Variants in SLCO5A1 observed in about 807,000 individuals in gnomAD.
SLCO5A1 encodes solute carrier organic anion transporter family member 5A1, also known as organic anion transporter polypeptide-related protein 4.
SLCO5A1 carries 39 observed loss-of-function variants against 65.1 expected under a neutral mutation model. That is an observed-to-expected ratio of 0.60 (90% CI 0.46 to 0.78). SLCO5A1 has a LOEUF of 0.78. SLCO5A1 is among the 30% of genes least tolerant of loss of function. The probability of loss-of-function intolerance (pLI) is 0.00; values close to 1 mark genes in which losing one functional copy is unlikely to be tolerated. For missense variants in SLCO5A1, 1,029 were observed against 1,069.4 expected (o/e 0.96, Z 0.53); for synonymous variants, 438 against 415.7 (o/e 1.05, Z -0.65).
intron 2 of SLCO5A1, among the ~76,000 whole-genome samples, chr8:69,769,151 C>T (rs1818205941): frequency 6.6e-6 from 1 of 152,220 alleles, no homozygotes; most frequent in African/African-American, 2.4e-5. Flanking sequence ...ACTCCCCATC[C>T]TTGAGAGCCC....
At chr8:69,692,074 C>T (rs1225191157) in intron 6 of SLCO5A1, among the ~76,000 whole-genome samples, 2 of 152,146 alleles carry the variant, frequency 1.3e-5, no homozygotes, top group African/African-American at 2.4e-5. Flanking sequence ...CAGTGAAACC[C>T]TGTCTCTGCT....
At chr8:69,801,948 C>T (rs903062869) in intron 2 of SLCO5A1, among the ~76,000 whole-genome samples, 1 of 152,172 alleles carries the variant, frequency 6.6e-6, no homozygotes, top group Non-Finnish European at 1.5e-5. Flanking sequence ...CACCTCATGT[C>T]GCCTCAAGCT....
intron 6 of SLCO5A1, among the ~76,000 whole-genome samples, chr8:69,696,836 C>G (rs1250853392): frequency 6.6e-6 from 1 of 151,982 alleles, no homozygotes; most frequent in Non-Finnish European, 1.5e-5. Flanking sequence ...AGACATTACT[C>G]CATAAAACAA....
At chr8:69,682,462 C>T (rs1452592325) in intron 6 of SLCO5A1, 119 bp from the exon 7 acceptor site, 3 of 965,000 alleles carry the variant, frequency 3.1e-6, no homozygotes, top group African/African-American at 1.7e-5. Context: ...TGAATCAAAG[C>T]CATGATACCC....
chr8:69,762,176 TTCTTTCTTTCTTTC>T (rs1235184256), intron 2 of SLCO5A1, among the ~76,000 whole-genome samples: 22 of 101,994 alleles, frequency 2.2e-4, no homozygotes, highest in African/African-American at 7.3e-4. Flanking sequence ...CTTTCTTTCT[TTCTTTCTTTCTTTC>T]TTTCTTTCTT....
chr8:69,683,573 T>C (rs1018116283), intron 6 of SLCO5A1, among the ~76,000 whole-genome samples: 6 of 151,958 alleles, frequency 3.9e-5, no homozygotes, highest in African/African-American at 1.5e-4. Context: ...TTATCTTTTT[T>C]TTTTTTTGAG....
At chr8:69,726,888 C>T (rs1816105976) in intron 5 of SLCO5A1, among the ~76,000 whole-genome samples, 3 of 152,184 alleles carry the variant, frequency 2.0e-5, no homozygotes, top group Non-Finnish European at 4.4e-5. Flanking sequence ...TTCCACATGT[C>T]ATAAGTCCTG....
intron 5 of SLCO5A1, among the ~76,000 whole-genome samples, chr8:69,706,304 A>T (rs1233564166): frequency 1.3e-5 from 2 of 152,202 alleles, no homozygotes; most frequent in Non-Finnish European, 2.9e-5. Context: ...TAATTAACAT[A>T]AAAGCCAAGA....
intron 2 of SLCO5A1, among the ~76,000 whole-genome samples, chr8:69,782,163 C>G (rs1182831700): frequency 6.6e-6 from 1 of 152,032 alleles, no homozygotes; most frequent in Non-Finnish European, 1.5e-5. Flanking sequence ...AGCAAACCAC[C>G]ATGGCACATG....
At chr8:69,738,240 A>G (rs1241495553) in intron 4 of SLCO5A1, 36 bp from the exon 5 acceptor site, 3 of 1,547,316 alleles carry the variant, frequency 1.9e-6, no homozygotes, top group Admixed American at 1.9e-5. Context: ...GAATGTTATA[A>G]ACAATGGATG....
At position 69,667,969 on chromosome 8, in the gene SLCO5A1, G is replaced by A. The variant is rs1372729045; in HGVS notation, c.*4900C>T. On this transcript the variant is annotated 3_prime_UTR_variant, in exon 10 of 10. Transcript: ENST00000260126. ...AACACAAAGTACATGCAGCCACTTA[G>A]CAGTGAAATACTGTGAATTCAGTGG... 1 of 152,230 alleles carries A rather than the reference G, an allele frequency of 6.6e-6. No homozygotes were observed. Among genetic ancestry groups the A allele is most frequent in the Non-Finnish European group, 1.5e-5 (1 of 68,034 alleles). The allele number at this position is 152,230 out of a possible 1,614,324, so 9.4% of individuals were successfully genotyped here.
intron 5 of SLCO5A1, among the ~76,000 whole-genome samples, chr8:69,734,726 G>A (rs530890506): frequency 1.3e-5 from 2 of 152,252 alleles, no homozygotes; most frequent in African/African-American, 4.8e-5. Flanking sequence ...GTCAGGGTAT[G>A]TATCTAAATA....
intron 6 of SLCO5A1, among the ~76,000 whole-genome samples, chr8:69,701,195 C>T (rs1814721232): frequency 1.3e-5 from 2 of 151,952 alleles, no homozygotes; most frequent in South Asian, 4.2e-4. Context: ...GATGCAGATT[C>T]AAAGAAAGCA....
At chr8:69,732,075 C>CATATA (rs555988563) in intron 5 of SLCO5A1, among the ~76,000 whole-genome samples, 22 of 152,214 alleles carry the variant, frequency 1.4e-4, no homozygotes, top group Non-Finnish European at 2.6e-4. Context: ...AAAGCCCATT[C>CATATA]ATATATCTCT....
At chr8:69,730,141 G>A (rs192614031) in intron 5 of SLCO5A1, among the ~76,000 whole-genome samples, 1 of 152,272 alleles carries the variant, frequency 6.6e-6, no homozygotes, top group Admixed American at 6.5e-5. Flanking sequence ...ACTCTGAGTG[G>A]GTAAGCAACT....
intron 5 of SLCO5A1, among the ~76,000 whole-genome samples, chr8:69,706,104 G>A (rs1814957695): frequency 6.6e-6 from 1 of 152,130 alleles, no homozygotes; most frequent in South Asian, 2.1e-4. Flanking sequence ...TCATTAAATG[G>A]AAAGAAACAT....
chr8:69,670,404 A>C lies in SLCO5A1; in HGVS notation c.*2465T>G, dbSNP rs1451506457. On this transcript the variant is annotated 3_prime_UTR_variant, in exon 10 of 10. Coordinates refer to ENST00000260126, the MANE Select transcript of SLCO5A1 (RefSeq NM_030958.3). ...TACCATAGCCCCAAGTATTTTGTGA[A>C]CCACTCTTAATTGGTACATATTCCA... 1 of 152,216 alleles carries C rather than the reference A, an allele frequency of 6.6e-6. No homozygotes were observed. Among genetic ancestry groups the C allele is most frequent in the Non-Finnish European group, 1.5e-5 (1 of 68,038 alleles). 9.4% of individuals were successfully genotyped at this position (152,216 alleles called of 1,614,324 possible). A position where few individuals can be genotyped will look rare whatever the true frequency, so the allele number is the denominator to read the frequency against.
At chr8:69,817,617 G>T (rs1041586288) in intron 2 of SLCO5A1, among the ~76,000 whole-genome samples, 2 of 152,108 alleles carry the variant, frequency 1.3e-5, no homozygotes, top group Non-Finnish European at 1.5e-5. Flanking sequence ...TTCCTTGCCT[G>T]CCAAATTATC....
At chr8:69,716,971 G>A (rs944620475) in intron 5 of SLCO5A1, among the ~76,000 whole-genome samples, 2 of 151,972 alleles carry the variant, frequency 1.3e-5, no homozygotes, top group Non-Finnish European at 2.9e-5. Flanking sequence ...ATGGAGATGA[G>A]GTATCCCTGT....
Sources: allele counts gnomAD v4.1 joint callset (sites outside exome capture counted in the v4.1 genomes callset), GRCh38; gene constraint gnomAD v4.1.1; transcripts MANE v1.5; gene names NCBI Gene and HGNC (gene_info 2026-07-23, HGNC 2026-07-21).